AGO4: variants seen among roughly 807,000 people sequenced by gnomAD.
The protein encoded by AGO4 is argonaute RISC component 4.
AGO4 carries 33 observed loss-of-function variants against 104.7 expected under a neutral mutation model. The observed-to-expected ratio is 0.32, with a 90% confidence interval of 0.24 to 0.42. AGO4 has a LOEUF of 0.42. AGO4 is among the 10% of genes least tolerant of loss of function. The probability of loss-of-function intolerance (pLI) is 1.00; values close to 1 mark genes in which losing one functional copy is unlikely to be tolerated. For missense variants in AGO4, 711 were observed against 1,083.4 expected (o/e 0.66, Z 4.83); for synonymous variants, 331 against 364.7 (o/e 0.91, Z 1.05).
intron 1 of AGO4, among the ~76,000 whole-genome samples, chr1:35,813,408 CAA>C (rs1416471543): frequency 1.6e-4 from 18 of 116,098 alleles, no homozygotes; most frequent in Middle Eastern, 4.5e-3. Flanking sequence ...GACTCCATCT[CAA>C]AAAAAAAAAA....
chr1:35,808,254 G>A lies in AGO4; in HGVS notation c.-163G>A, dbSNP rs1571244312. The A allele has an allele frequency of 5.6e-6, 1 of 177,386 alleles. No individual in the cohort carries two copies. The highest frequency in any genetic ancestry group is 1.1e-5 in the Non-Finnish European group (1 of 91,718). The allele number at this position is 177,386 out of a possible 1,614,324, so 11.0% of individuals were successfully genotyped here. On this transcript the variant is annotated 5_prime_UTR_variant, in exon 1 of 18. Coordinates refer to ENST00000373210, the MANE Select transcript of AGO4 (RefSeq NM_017629.4). The surrounding 1 kb of genome is among the most constrained non-coding windows in gnomAD (Gnocchi z 5.2). ...GCCGGAGCCGGGTCCCTGTCCCCGG[G>A]CCGGGCGCCGCCGCCGCCCCCTGCC...
chr1:35,833,991 A>C lies in AGO4; in HGVS notation c.1381A>C (p.Ser461Arg). 6.5e-7 allele frequency: 1 copy of C among 1,532,210 alleles called. No homozygotes were observed. The highest frequency in any genetic ancestry group is 8.8e-7 in the Non-Finnish European group (1 of 1,136,876). 94.9% of individuals were successfully genotyped at this position (1,532,210 alleles called of 1,614,324 possible). A position where few individuals can be genotyped will look rare whatever the true frequency, so the allele number is the denominator to read the frequency against. Residue 461 changes from serine (S) to arginine (R), a missense_variant and splice_region_variant, in exon 12 of 18, where the codon AGT (serine) becomes CGT (arginine). Ser to Arg is a moderately radical substitution (Grantham distance 110, BLOSUM62 -1). Coordinates refer to ENST00000373210, the MANE Select transcript of AGO4 (RefSeq NM_017629.4). ...QKQCREDLLK[S>R]FTDQLRKISK... ...GTGTTACTGGTTCTATTTTAACAGG[A>C]GTTTCACTGACCAGCTGCGTAAAAT... is the stretch of plus-strand genomic sequence containing the variant.
At position 35,809,964 on chromosome 1, in the gene AGO4, TG is replaced by T. The variant is rs1192470262; in HGVS notation, c.19+1532del. 2.6e-5 allele frequency among the ~76,000 whole-genome samples: 4 copies of T among 152,298 alleles called. No homozygotes were observed. The East Asian group carries it at 7.7e-4, about 29-fold the overall frequency. On this transcript the variant is annotated intron_variant, in intron 1 of 17. Coordinates refer to ENST00000373210, the MANE Select transcript of AGO4 (RefSeq NM_017629.4). ...GATATCGAAAGAAATTGTGTAACTG[TG>T]GGCATAAACTGAATTTCATGGAAAG...
chr1:35,853,414 T>G, intron 17 of AGO4, 83 bp from the exon 18 acceptor site: 1 of 1,264,204 alleles, frequency 7.9e-7, no homozygotes. Flanking sequence ...GTTACACCTG[T>G]TTTTTGTTTT....
In AGO4 at chr1:35,832,416, TTC is replaced by T. The variant is rs763121512; in HGVS notation, c.1246-19_1246-18del. 25 of 1,534,792 alleles carry T rather than the reference TTC, an allele frequency of 1.6e-5. No homozygotes were observed. In the South Asian group the frequency reaches 2.3e-4, roughly 14 times the overall value. ...CTTTTGTTTCTTCTTCTTCTTCTTC[TTC>T]TTTTTTTTTTTTTCAAAGAATAAAA... On this transcript the variant is annotated intron_variant, in intron 10 of 17. Transcript: ENST00000373210.
chr1:35,818,811 G>T (rs899020102), intron 2 of AGO4, among the ~76,000 whole-genome samples: 1 of 152,250 alleles, frequency 6.6e-6, no homozygotes, highest in East Asian at 1.9e-4. Flanking sequence ...TGCAGAACTT[G>T]TAGGCATTCA....
chr1:35,835,391 C>G (rs1325936858), intron 12 of AGO4, among the ~76,000 whole-genome samples: 3 of 152,130 alleles, frequency 2.0e-5, no homozygotes, highest in Non-Finnish European at 4.4e-5. Flanking sequence ...CTTTAACCTT[C>G]TCTCTACAGT....
chr1:35,851,852 A>G (rs1473878667), intron 17 of AGO4, among the ~76,000 whole-genome samples: 3 of 152,206 alleles, frequency 2.0e-5, no homozygotes, highest in Non-Finnish European at 2.9e-5. Context: ...TAGGTGCTAG[A>G]ATTACTAAGA....
Position 35,857,123 on chromosome 1 carries a change from G to A in AGO4, c.*3518G>A, listed in dbSNP as rs1299853025. ...CCTGGCAAAGCTGCCTACCCTTCAAGTGGGAAAATATAATCCACTGTTTAA... is the reference window on the plus strand; with the variant it reads ...CCTGGCAAAGCTGCCTACCCTTCAAATGGGAAAATATAATCCACTGTTTAA... On this transcript the variant is annotated 3_prime_UTR_variant, in exon 18 of 18. Coordinates refer to ENST00000373210, the MANE Select transcript of AGO4 (RefSeq NM_017629.4). 1 of 152,190 alleles carries A rather than the reference G, an allele frequency of 6.6e-6. No homozygotes were observed. Among genetic ancestry groups the A allele is most frequent in the Non-Finnish European group, 1.5e-5 (1 of 68,030 alleles). The allele number at this position is 152,190 out of a possible 1,614,324, so 9.4% of individuals were successfully genotyped here.
At chr1:35,814,844 C>T (rs958372581) in intron 1 of AGO4, among the ~76,000 whole-genome samples, 1 of 152,008 alleles carries the variant, frequency 6.6e-6, no homozygotes, top group Non-Finnish European at 1.5e-5. Flanking sequence ...AGTATTTGCT[C>T]TAATTTTCCT....
intron 2 of AGO4, among the ~76,000 whole-genome samples, chr1:35,822,219 A>AT (rs1643901890): frequency 6.6e-6 from 1 of 151,322 alleles, no homozygotes; most frequent in African/African-American, 2.4e-5. Flanking sequence ...TCGTTCAGTG[A>AT]TGTACCTCCG....
At chr1:35,832,268 G>A in intron 10 of AGO4, 83 bp downstream of exon 10, 1 of 1,560,582 alleles carries the variant, frequency 6.4e-7, no homozygotes, top group Non-Finnish European at 8.6e-7. Flanking sequence ...CTCTGCCACT[G>A]CTGAATTTAC....
rs2148678916 is a variant in AGO4, at chr1:35,841,832, A to G, written c.2175+82A>G. On this transcript the variant is annotated intron_variant, in intron 15 of 17. Transcript: ENST00000373210. This position sits in a 1 kb window ranked among gnomAD's most constrained non-coding sequence, Gnocchi z 4.7. ...TGCACATATATATATATATATATAT[A>G]TATATACACCATTTTTATACAATTT... 4 of 839,320 alleles carry G rather than the reference A, an allele frequency of 4.8e-6. No homozygotes were observed. The highest frequency in any genetic ancestry group is 8.8e-5 in the Admixed American group (2 of 22,760). The allele number at this position is 839,320 out of a possible 1,614,324, so 52.0% of individuals were successfully genotyped here. A position where few individuals can be genotyped will look rare whatever the true frequency, so the allele number is the denominator to read the frequency against.
At chr1:35,849,454 G>A (rs1234085734) in intron 15 of AGO4, among the ~76,000 whole-genome samples, 1 of 150,876 alleles carries the variant, frequency 6.6e-6, no homozygotes, top group Non-Finnish European at 1.5e-5. Context: ...AGGCCAAGGT[G>A]GGAGAATTGC....
intron 16 of AGO4, 110 bp downstream of exon 16, chr1:35,850,368 C>T (rs1010140706): frequency 7.1e-6 from 6 of 843,330 alleles, no homozygotes; most frequent in African/African-American, 1.7e-5. Context: ...TTTGTTAATG[C>T]TTGTATCCTA....
In AGO4 at chr1:35,808,338, C is replaced by CGCG. The variant is rs935802044; in HGVS notation, c.-56_-54dup. 5.2e-4 allele frequency: 444 copies of CGCG among 860,746 alleles called. 1 individual carries two copies. The highest frequency in any genetic ancestry group is 2.3e-3 in the Middle Eastern group (4 of 1,758). The allele number at this position is 860,746 out of a possible 1,614,324, so 53.3% of individuals were successfully genotyped here. On this transcript the variant is annotated 5_prime_UTR_variant, in exon 1 of 18. Coordinates refer to ENST00000373210, the MANE Select transcript of AGO4 (RefSeq NM_017629.4). The surrounding 1 kb of genome is among the most constrained non-coding windows in gnomAD (Gnocchi z 5.2). ...CCAATATTCCGGAGATCAAGCGTTA[C>CGCG]GCGGCGGCGGCGGCGGCGGCGGCGG... is the stretch of plus-strand genomic sequence containing the variant.
At chr1:35,840,779 G>A (rs549219272) in intron 13 of AGO4, among the ~76,000 whole-genome samples, 1 of 152,246 alleles carries the variant, frequency 6.6e-6, no homozygotes, top group South Asian at 2.1e-4. Flanking sequence ...TGCCACGCTG[G>A]GCTTTCTTAT....
chr1:35,818,871 A>T (rs1643817306), intron 2 of AGO4, among the ~76,000 whole-genome samples: 1 of 152,214 alleles, frequency 6.6e-6, no homozygotes, highest in Non-Finnish European at 1.5e-5. Flanking sequence ...TACTAAACCC[A>T]CAACGTGACT....
intron 15 of AGO4, among the ~76,000 whole-genome samples, chr1:35,847,218 C>G (rs539966028): frequency 6.6e-6 from 1 of 150,594 alleles, no homozygotes; most frequent in Non-Finnish European, 1.5e-5. Context: ...TTAAGAAAGT[C>G]TACAAATTTG....
Sources: allele counts gnomAD v4.1 joint callset (sites outside exome capture counted in the v4.1 genomes callset), GRCh38; gene constraint gnomAD v4.1.1; non-coding constraint Gnocchi (gnomAD v3.1); transcripts MANE v1.5; gene names NCBI Gene and HGNC (gene_info 2026-07-23, HGNC 2026-07-21).